Variants in TUT4 observed in about 807,000 individuals in gnomAD.
The protein encoded by TUT4 is terminal uridylyl transferase 4.
Under a neutral mutation model 192.2 loss-of-function variants are expected in TUT4, and 36 were observed. That is an observed-to-expected ratio of 0.19 (90% CI 0.14 to 0.25). The LOEUF (loss-of-function observed/expected upper bound fraction) is 0.25. TUT4 is among the 10% of genes least tolerant of loss of function. The pLI, the probability that TUT4 is intolerant of heterozygous loss-of-function variation, is 1.00. For missense variants in TUT4, 1,493 were observed against 1,957.2 expected (o/e 0.76, Z 4.47); for synonymous variants, 618 against 666.0 (o/e 0.93, Z 1.11).
At chr1:52,518,599 A>T (rs1231243359) in intron 2 of TUT4, among the ~76,000 whole-genome samples, 1 of 152,204 alleles carries the variant, frequency 6.6e-6, no homozygotes, top group African/African-American at 2.4e-5. Context: ...TGAATTTGGG[A>T]GGGGACATAA....
chr1:52,430,218 A>G (rs1245172880), intron 28 of TUT4, among the ~76,000 whole-genome samples: 1 of 152,188 alleles, frequency 6.6e-6, no homozygotes, highest in Non-Finnish European at 1.5e-5. Context: ...GGCATGCAGC[A>G]GCACGGTTTT....
intron 19 of TUT4, among the ~76,000 whole-genome samples, chr1:52,459,205 G>A (rs1330946650): frequency 6.6e-6 from 1 of 151,618 alleles, no homozygotes; most frequent in African/African-American, 2.4e-5. Context: ...AGAATGGCGT[G>A]AACCCAGGAG....
intron 4 of TUT4, among the ~76,000 whole-genome samples, chr1:52,499,227 C>T (rs1261600916): frequency 6.6e-6 from 1 of 151,582 alleles, no homozygotes; most frequent in Non-Finnish European, 1.5e-5. Context: ...GGAGAAACCC[C>T]ACCTCTACTA....
chr1:52,458,570 A>C, intron 19 of TUT4, 121 bp from the exon 20 acceptor site: 1 of 642,098 alleles, frequency 1.6e-6, no homozygotes, highest in Non-Finnish European at 2.6e-6. Context: ...AGTTAAAAAC[A>C]AACTGCACCG....
chr1:52,488,711 AGT>A (rs1204561135), intron 9 of TUT4, among the ~76,000 whole-genome samples, 196 bp downstream of exon 9: 3 of 152,234 alleles, frequency 2.0e-5, no homozygotes, highest in African/African-American at 4.8e-5. Flanking sequence ...TATATCCATA[AGT>A]GTGTCTACAA....
chr1:52,501,209 A>C (rs1156921079), intron 4 of TUT4, among the ~76,000 whole-genome samples: 1 of 152,236 alleles, frequency 6.6e-6, no homozygotes, highest in Non-Finnish European at 1.5e-5. Flanking sequence ...TCATGTATCT[A>C]ATAAGGGATT....
rs1336450157 is a variant in TUT4 at position 52,515,974 on chromosome 1, A to T, written c.799T>A (p.Ser267Thr). 6.2e-7 allele frequency: 1 copy of T among 1,613,578 alleles called. No individual in the cohort carries two copies. Among genetic ancestry groups the T allele is most frequent in the Admixed American group, 1.7e-5 (1 of 59,936 alleles). ...YLENATVIDE[S>T]ALTPEQRLGL... ...AGCCTCTGCTCAGGTGTCAATGCAGATTCATCTATCACAGTGGCATTTTCT... is the reference window on the plus strand; with the variant it reads ...AGCCTCTGCTCAGGTGTCAATGCAGTTTCATCTATCACAGTGGCATTTTCT... The change falls in exon 3 of 30, where the codon TCT (serine) becomes ACT (threonine). Residue 267 changes from serine (S) to threonine (T), a missense_variant. By Grantham distance (58) the Ser-to-Thr change is moderately conservative. Around this residue, in one of 7 missense-constraint regions of TUT4, gnomAD observed 437 missense variants for 577.6 expected, o/e 0.76. Transcript: ENST00000257177.
chr1:52,446,771 T>A, intron 20 of TUT4, 104 bp from the exon 21 acceptor site: 3 of 729,122 alleles, frequency 4.1e-6, no homozygotes, highest in East Asian at 2.8e-5. Context: ...CATACTAAAA[T>A]ACTTCTTCCA....
At chr1:52,539,420 A>G (rs1685876969) in intron 1 of TUT4, among the ~76,000 whole-genome samples, 1 of 152,196 alleles carries the variant, frequency 6.6e-6, no homozygotes. Flanking sequence ...AAATATAGCC[A>G]GCAGGACACC....
chr1:52,520,977 A>G (rs1381608310), intron 2 of TUT4, among the ~76,000 whole-genome samples: 1 of 152,056 alleles, frequency 6.6e-6, no homozygotes, highest in Non-Finnish European at 1.5e-5. Flanking sequence ...TATTTTTAGT[A>G]GAAACGGGAT....
chr1:52,481,319 G>C (rs1302102334), intron 11 of TUT4, 104 bp downstream of exon 11: 33 of 1,227,800 alleles, frequency 2.7e-5, no homozygotes, highest in African/African-American at 6.0e-5. Context: ...GAGGCCAAGA[G>C]GCTTGCTCAA....
chr1:52,500,935 A>G (rs1673920189), intron 4 of TUT4, among the ~76,000 whole-genome samples: 1 of 152,168 alleles, frequency 6.6e-6, no homozygotes, highest in Admixed American at 6.5e-5. Flanking sequence ...ACAAAAAAAG[A>G]AAAGAAAGAT....
intron 1 of TUT4, among the ~76,000 whole-genome samples, chr1:52,527,048 C>T (rs1681982382): frequency 6.6e-6 from 1 of 152,016 alleles, no homozygotes; most frequent in South Asian, 2.1e-4. Flanking sequence ...GAATCCCAAT[C>T]TTTATGTGCT....
intron 2 of TUT4, 105 bp downstream of exon 2, chr1:52,525,457 TG>T: frequency 7.2e-7 from 1 of 1,391,918 alleles, no homozygotes; most frequent in Non-Finnish European, 9.5e-7. Flanking sequence ...GGAACAAAAG[TG>T]CTAAACAATT....
At chr1:52,441,468 T>G (rs12037759) in intron 24 of TUT4, among the ~76,000 whole-genome samples, 1 of 141,030 alleles carries the variant, frequency 7.1e-6, no homozygotes, top group South Asian at 2.3e-4. Flanking sequence ...TTTTTTTTTG[T>G]ATTTTTAGTA....
intron 26 of TUT4, among the ~76,000 whole-genome samples, chr1:52,435,856 G>T (rs931913955): frequency 1.3e-5 from 2 of 152,076 alleles, no homozygotes; most frequent in African/African-American, 4.8e-5. Flanking sequence ...GCTGCACTGA[G>T]CTGTGATCAT....
intron 4 of TUT4, among the ~76,000 whole-genome samples, chr1:52,502,145 A>T (rs1387148842): frequency 1.0e-5 from 1 of 96,308 alleles, no homozygotes; most frequent in Non-Finnish European, 2.2e-5. Context: ...AAAAAATTTC[A>T]AAAAAAAAAA....
At chr1:52,473,312 G>C (rs1344875813) in intron 13 of TUT4, among the ~76,000 whole-genome samples, 2 of 152,066 alleles carry the variant, frequency 1.3e-5, no homozygotes, top group African/African-American at 4.8e-5. Flanking sequence ...AGTTTCATTT[G>C]TGCAAAATAA....
intron 1 of TUT4, among the ~76,000 whole-genome samples, chr1:52,532,032 C>T (rs948185442): frequency 2.6e-5 from 4 of 151,358 alleles, no homozygotes; most frequent in African/African-American, 7.3e-5. Context: ...GGACTACAAG[C>T]GTGTGCTACC....
Sources: gnomAD v4.1 joint callset for allele counts (sites outside exome capture counted in the v4.1 genomes callset) on GRCh38, gnomAD v4.1.1 for gene constraint, gnomAD v4.1.1 regional missense constraint, MANE v1.5 for transcripts, NCBI Gene and HGNC (gene_info 2026-07-23, HGNC 2026-07-21) for gene names.